Variants in MARVELD2 observed in about 807,000 individuals in gnomAD.
MARVELD2 encodes MARVEL domain-containing protein 2.
Under a neutral mutation model 57.6 loss-of-function variants are expected in MARVELD2, and 49 were observed. That is an observed-to-expected ratio of 0.85 (90% CI 0.68 to 1.08). The LOEUF (loss-of-function observed/expected upper bound fraction) is 1.08, where lower values mean the gene tolerates loss of function less well. Among genes scored for constraint, MARVELD2 ranks in the 50% least tolerant of loss-of-function variants. MARVELD2 has a pLI of 0.00. For synonymous variants in MARVELD2, 238 were observed against 258.8 expected (o/e 0.92, Z 0.77); for missense variants, 606 against 701.1 (o/e 0.86, Z 1.53).
At chr5:69,424,949 T>C (rs1242828423) in intron 3 of MARVELD2, among the ~76,000 whole-genome samples, 1 of 151,788 alleles carries the variant, frequency 6.6e-6, no homozygotes, top group Non-Finnish European at 1.5e-5. Flanking sequence ...CACTTGAATC[T>C]GGGAGGTGAA....
chr5:69,422,341 C>A (rs1182999463), intron 2 of MARVELD2, among the ~76,000 whole-genome samples: 1 of 152,128 alleles, frequency 6.6e-6, no homozygotes, highest in Non-Finnish European at 1.5e-5. Flanking sequence ...TCGCTGAATT[C>A]TTTTTCTCAG....
intron 3 of MARVELD2, among the ~76,000 whole-genome samples, chr5:69,425,401 AT>A (rs987596677): frequency 6.3e-5 from 9 of 143,094 alleles, no homozygotes; most frequent in Admixed American, 2.9e-4. Context: ...TAATAAAAAA[AT>A]ATATATATAT....
Position 69,432,604 on chromosome 5 carries a change from A to G in MARVELD2, c.1260A>G (p.Lys420=). Residue 420 remains lysine, a synonymous_variant, in exon 4 of 7, where the codon AAA becomes AAG. Coordinates refer to ENST00000325631, the MANE Select transcript of MARVELD2 (RefSeq NM_001038603.3). ...AGGAACTGAGAACAGCAAAAATGAA[A>G]CCTGAACTACTGAGTGGACACATCC... The part of the protein sequence containing the change: ...NFKELRTAKM[K]PELLSGHIPP... The G allele has an allele frequency of 1.2e-6, 2 of 1,614,152 alleles. No individual in the cohort carries two copies. Among genetic ancestry groups the G allele is most frequent in the Non-Finnish European group, 1.7e-6 (2 of 1,180,020 alleles).
At chr5:69,440,643 C>G in intron 6 of MARVELD2, 143 bp downstream of exon 6, 1 of 605,582 alleles carries the variant, frequency 1.7e-6, no homozygotes, top group Non-Finnish European at 3.0e-6. Flanking sequence ...CTGCTGGATG[C>G]CATTTCTTCT....
intron 5 of MARVELD2, 60 bp from the exon 6 acceptor site, chr5:69,440,390 G>A: frequency 1.2e-6 from 1 of 841,806 alleles, no homozygotes; most frequent in Non-Finnish European, 2.0e-6. Flanking sequence ...AGTGTGCTTT[G>A]AGATATGATT....
At chr5:69,439,487 C>T (rs1030217190) in intron 5 of MARVELD2, among the ~76,000 whole-genome samples, 1 of 151,854 alleles carries the variant, frequency 6.6e-6, no homozygotes, top group African/African-American at 2.4e-5. Context: ...GGCACAGTGG[C>T]TCATGCGTGT....
intron 5 of MARVELD2, among the ~76,000 whole-genome samples, chr5:69,438,919 T>G (rs1269721455): frequency 6.6e-6 from 1 of 150,604 alleles, no homozygotes; most frequent in Non-Finnish European, 1.5e-5. Flanking sequence ...AAATAAAAAT[T>G]AGCCAGGCCT....
intron 1 of MARVELD2, among the ~76,000 whole-genome samples, chr5:69,417,417 C>T (rs1471050491): frequency 6.6e-6 from 1 of 152,128 alleles, no homozygotes; most frequent in Non-Finnish European, 1.5e-5. Context: ...TTCAGCATGC[C>T]TGGTGCAAGG....
rs145050027 is a variant in MARVELD2, at chr5:69,435,269, C to T, written c.1503+2176C>T. 4.6e-5 allele frequency among the ~76,000 whole-genome samples: 7 copies of T among 152,022 alleles called. No homozygotes were observed. The East Asian group carries it at 1.2e-3, about 25-fold the overall frequency. ...CCTCAGGTGATCCACCTACCTCAGC[C>T]TCCCAAAGTGCTGGTATTACAGGCA... On this transcript the variant is annotated intron_variant, in intron 5 of 6. Coordinates refer to ENST00000325631, the MANE Select transcript of MARVELD2 (RefSeq NM_001038603.3).
chr5:69,415,770 C>T (rs1766389745), intron 1 of MARVELD2: 1 of 152,238 alleles, frequency 6.6e-6, no homozygotes, highest in Non-Finnish European at 1.5e-5. Flanking sequence ...GGCATGATTC[C>T]TGTGACACTT....
At chr5:69,439,161 T>A (rs977320394) in intron 5 of MARVELD2, among the ~76,000 whole-genome samples, 14 of 151,724 alleles carry the variant, frequency 9.2e-5, no homozygotes, top group East Asian at 2.0e-4. Flanking sequence ...TTTATTAGTT[T>A]TTTATTTATT....
At chr5:69,424,688 T>C (rs1766730949) in intron 3 of MARVELD2, 52 bp downstream of exon 3, 2 of 1,398,680 alleles carry the variant, frequency 1.4e-6, no homozygotes. Flanking sequence ...AATACTTTTC[T>C]CTTAGGTCTG....
chr5:69,431,962 A>C (rs554254055), intron 3 of MARVELD2, among the ~76,000 whole-genome samples: 1 of 149,712 alleles, frequency 6.7e-6, no homozygotes, highest in East Asian at 2.0e-4. Flanking sequence ...TCAGCCTCCA[A>C]GCCTCCCAAG....
rs545832629 is a variant in MARVELD2 at position 69,432,449 on chromosome 5, C to T, written c.1183-78C>T. ...AGCCACCCCACCTGATCTTCTTCCT[C>T]ATTTTCTAAGAATGAATTCAGAGGG... On this transcript the variant is annotated intron_variant, in intron 3 of 6. Transcript: ENST00000325631. 191 of 1,504,224 alleles carry T rather than the reference C, an allele frequency of 1.3e-4. No homozygotes were observed. The African/African-American group carries it at 2.2e-3, about 18-fold the overall frequency. 93.2% of individuals were successfully genotyped at this position (1,504,224 alleles called of 1,614,324 possible). A position where few individuals can be genotyped will look rare whatever the true frequency, so the allele number is the denominator to read the frequency against.
At chr5:69,431,635 G>A (rs1342821443) in intron 3 of MARVELD2, among the ~76,000 whole-genome samples, 1 of 151,966 alleles carries the variant, frequency 6.6e-6, no homozygotes, top group African/African-American at 2.4e-5. Context: ...ATCCACCTTT[G>A]ACATGTACAC....
intron 2 of MARVELD2, among the ~76,000 whole-genome samples, 165 bp from the exon 3 acceptor site, chr5:69,424,436 C>G (rs1346163619): frequency 6.6e-6 from 1 of 152,166 alleles, no homozygotes; most frequent in African/African-American, 2.4e-5. Flanking sequence ...TCTCAGTTCT[C>G]CACTGGCCCT....
At chr5:69,427,059 AG>A (rs1243397833) in intron 3 of MARVELD2, among the ~76,000 whole-genome samples, 1 of 152,194 alleles carries the variant, frequency 6.6e-6, no homozygotes, top group Non-Finnish European at 1.5e-5. Flanking sequence ...TCTGAACTTC[AG>A]TTTCCTGTCT....
intron 1 of MARVELD2, among the ~76,000 whole-genome samples, chr5:69,417,014 C>T (rs1766450748): frequency 6.6e-6 from 1 of 152,208 alleles, no homozygotes; most frequent in Admixed American, 6.5e-5. Flanking sequence ...TTCAGATGGC[C>T]TCAGTTCTAC....
chr5:69,437,582 G>A (rs965451633), intron 5 of MARVELD2, among the ~76,000 whole-genome samples: 4 of 151,634 alleles, frequency 2.6e-5, no homozygotes, highest in Admixed American at 1.3e-4. Flanking sequence ...TACTCGGGAG[G>A]CTGAGGCAGG....
Sources: allele counts gnomAD v4.1 joint callset (sites outside exome capture counted in the v4.1 genomes callset), GRCh38; gene constraint gnomAD v4.1.1; transcripts MANE v1.5; gene names NCBI Gene and HGNC (gene_info 2026-07-23, HGNC 2026-07-21).